ANKRD13C: variants seen among roughly 807,000 people sequenced by gnomAD.
The protein encoded by ANKRD13C is ankyrin repeat domain-containing protein 13C.
ANKRD13C carries 16 observed loss-of-function variants against 65.5 expected under a neutral mutation model. That is an observed-to-expected ratio of 0.24 (90% CI 0.17 to 0.37). The LOEUF (loss-of-function observed/expected upper bound fraction) is 0.37. Ranked by LOEUF, ANKRD13C falls within the 10% of genes least tolerant of loss-of-function variation. ANKRD13C has a pLI of 1.00. For missense variants in ANKRD13C, 503 were observed against 655.9 expected (o/e 0.77, Z 2.55); for synonymous variants, 235 against 238.7 (o/e 0.98, Z 0.14).
At chr1:70,264,096 C>T (rs1356670087) in intron 12 of ANKRD13C, among the ~76,000 whole-genome samples, 5 of 152,112 alleles carry the variant, frequency 3.3e-5, no homozygotes, top group Non-Finnish European at 7.4e-5. Flanking sequence ...AGTCCTATTG[C>T]CAGGCCTATT....
intron 2 of ANKRD13C, among the ~76,000 whole-genome samples, chr1:70,330,028 T>A (rs1681714971): frequency 6.7e-6 from 1 of 148,222 alleles, no homozygotes; most frequent in East Asian, 2.0e-4. Context: ...GAGCAGAGAT[T>A]GCAGTGAGCC....
At chr1:70,266,696 T>C (rs939413744) in intron 12 of ANKRD13C, among the ~76,000 whole-genome samples, 3 of 152,224 alleles carry the variant, frequency 2.0e-5, no homozygotes, top group African/African-American at 7.2e-5. Flanking sequence ...CTTTGACATA[T>C]AGATTATTTA....
At chr1:70,353,228 A>G (rs1682825467) in intron 1 of ANKRD13C, among the ~76,000 whole-genome samples, 2 of 152,242 alleles carry the variant, frequency 1.3e-5, no homozygotes, top group African/African-American at 4.8e-5. Context: ...TAAACAAAAA[A>G]TTCAGCTGAC....
intron 3 of ANKRD13C, among the ~76,000 whole-genome samples, chr1:70,321,960 T>C (rs1417244086): frequency 6.6e-6 from 1 of 152,188 alleles, no homozygotes; most frequent in Non-Finnish European, 1.5e-5. Flanking sequence ...AAACATAAAA[T>C]GTTAATGTAA....
intron 9 of ANKRD13C, among the ~76,000 whole-genome samples, chr1:70,282,636 A>G (rs905221293): frequency 2.0e-5 from 3 of 152,250 alleles, no homozygotes; most frequent in Non-Finnish European, 4.4e-5. Context: ...GCTTATCAGT[A>G]GAATGACGAA....
chr1:70,286,864 T>C (rs1192619647), intron 9 of ANKRD13C, among the ~76,000 whole-genome samples: 1 of 152,146 alleles, frequency 6.6e-6, no homozygotes, highest in Non-Finnish European at 1.5e-5. Context: ...TGGGTACCTG[T>C]AATCTCAGCT....
At chr1:70,330,871 G>A (rs930378930) in intron 2 of ANKRD13C, among the ~76,000 whole-genome samples, 9 of 151,874 alleles carry the variant, frequency 5.9e-5, no homozygotes, top group East Asian at 3.9e-4. Flanking sequence ...ATATCATCTC[G>A]TAAAACTTCC....
chr1:70,339,157 C>T (rs1317380359), intron 1 of ANKRD13C, among the ~76,000 whole-genome samples: 2 of 151,030 alleles, frequency 1.3e-5, no homozygotes, highest in East Asian at 2.0e-4. Context: ...TTGCAGTAAG[C>T]CGAGATGGCG....
intron 5 of ANKRD13C, among the ~76,000 whole-genome samples, chr1:70,310,536 A>G (rs541792938): frequency 1.6e-4 from 25 of 152,360 alleles, no homozygotes; most frequent in Non-Finnish European, 3.2e-4. Context: ...CAACTGTCTC[A>G]GTGGTTACTT....
intron 10 of ANKRD13C, among the ~76,000 whole-genome samples, chr1:70,276,303 T>A (rs921209505): frequency 6.6e-6 from 1 of 152,096 alleles, no homozygotes; most frequent in South Asian, 2.1e-4. Context: ...TGAGAAGTAG[T>A]CTAGCATAGG....
intron 2 of ANKRD13C, among the ~76,000 whole-genome samples, chr1:70,325,510 T>G (rs1048933776): frequency 4.6e-5 from 7 of 152,232 alleles, no homozygotes; most frequent in African/African-American, 1.7e-4. Context: ...CAAATCTAGA[T>G]AGTTTTTCAA....
At chr1:70,263,858 T>A (rs1001927347) in intron 12 of ANKRD13C, among the ~76,000 whole-genome samples, 1 of 152,208 alleles carries the variant, frequency 6.6e-6, no homozygotes, top group African/African-American at 2.4e-5. Context: ...TTCAAGTGTC[T>A]ACCTAGGGTA....
At chr1:70,267,010 T>C (rs147274820) in intron 12 of ANKRD13C, among the ~76,000 whole-genome samples, 49 of 152,328 alleles carry the variant, frequency 3.2e-4, no homozygotes, top group Middle Eastern at 3.4e-3. Flanking sequence ...GTTATATCAA[T>C]TGTTGAGAGA....
At position 70,354,212 on chromosome 1, in the gene ANKRD13C, G is replaced by T. The variant is rs1356421916; in HGVS notation, c.197C>A (p.Ala66Asp). The change falls in exon 1 of 13, where the codon GCT becomes GAT. Residue 66 changes from alanine (A) to aspartate (D), a missense_variant. Physicochemically the swap from Ala to Asp is moderately radical, Grantham distance 126. Around this residue, in one of 2 missense-constraint regions of ANKRD13C, gnomAD observed 203 missense variants for 177.6 expected, o/e 1.14. Transcript: ENST00000370944. ...NHHHRLQLKA[A>D]PASSNPPGAP... ...GCCGGGGGGATTGGAGGAGGCCGGA[G>T]CTGCCTTCAGCTGTAGCCGGTGGTG... The T allele has an allele frequency of 2.5e-6, 4 of 1,613,518 alleles. No individual in the cohort carries two copies. The highest frequency in any genetic ancestry group is 3.4e-6 in the Non-Finnish European group (4 of 1,180,038).
At chr1:70,275,961 C>CAAAAA (rs1209279880) in intron 10 of ANKRD13C, among the ~76,000 whole-genome samples, 1 of 37,242 alleles carries the variant, frequency 2.7e-5, no homozygotes. Flanking sequence ...GACTCCATCT[C>CAAAAA]AAAAAAAAAA....
intron 9 of ANKRD13C, among the ~76,000 whole-genome samples, chr1:70,279,928 A>G (rs968515944): frequency 6.6e-6 from 1 of 152,162 alleles, no homozygotes; most frequent in African/African-American, 2.4e-5. Flanking sequence ...CTAAGTTTGG[A>G]AGAGGTAAAG....
chr1:70,334,806 T>G (rs1681949184), intron 2 of ANKRD13C, among the ~76,000 whole-genome samples: 1 of 151,920 alleles, frequency 6.6e-6, no homozygotes, highest in Non-Finnish European at 1.5e-5. Flanking sequence ...CTCCGGAGGC[T>G]GAGGCAGGAG....
Position 70,262,704 on chromosome 1 carries a change from T to C in ANKRD13C, c.*13A>G. On this transcript the variant is annotated 3_prime_UTR_variant, in exon 13 of 13. Transcript: ENST00000370944. ...TTCTTTCCTTGGTTAGACGGCATCCTTTTCCACGTCAGTTAAAGATCAGGA... is the reference window on the plus strand; with the variant it reads ...TTCTTTCCTTGGTTAGACGGCATCCCTTTCCACGTCAGTTAAAGATCAGGA... The C allele has an allele frequency of 6.2e-7, 1 of 1,606,598 alleles. No individual in the cohort carries two copies. The highest frequency in any genetic ancestry group is 8.5e-7 in the Non-Finnish European group (1 of 1,175,248).
chr1:70,312,135 T>C (rs1680873834), intron 5 of ANKRD13C, among the ~76,000 whole-genome samples: 1 of 152,174 alleles, frequency 6.6e-6, no homozygotes, highest in South Asian at 2.1e-4. Context: ...ACAAGTATAA[T>C]TGTTAATTAA....
Sources: gnomAD v4.1 joint callset for allele counts (sites outside exome capture counted in the v4.1 genomes callset) on GRCh38, gnomAD v4.1.1 for gene constraint, gnomAD v4.1.1 regional missense constraint, MANE v1.5 for transcripts, NCBI Gene and HGNC (gene_info 2026-07-23, HGNC 2026-07-21) for gene names.